TOM1L2: variants seen among roughly 807,000 people sequenced by gnomAD.
TOM1L2 encodes the protein TOM1-like protein 2.
Under a neutral mutation model 67.9 loss-of-function variants are expected in TOM1L2, and 31 were observed. The observed-to-expected ratio is 0.46, with a 90% CI of 0.34 to 0.62. TOM1L2 has a LOEUF of 0.62. Among genes scored for constraint, TOM1L2 ranks in the 20% least tolerant of loss-of-function variants. The pLI is 0.01. For synonymous variants in TOM1L2, 256 were observed against 254.0 expected, an observed-to-expected ratio of 1.01 and a Z score of -0.07; for missense variants, 606 against 663.5, an observed-to-expected ratio of 0.91 and a Z score of 0.95.
At chr17:17,850,786 G>T in intron 13 of TOM1L2, 107 bp downstream of exon 13, 1 of 1,236,926 alleles carries the variant, frequency 8.1e-7, no homozygotes, top group Non-Finnish European at 1.2e-6. Flanking sequence ...CTTCTCCACT[G>T]ACCCAGACAG....
rs565360425 is a variant in TOM1L2, at chr17:17,876,016, C to T, written c.777+3611G>A. Among the ~76,000 whole-genome samples, 21 of 152,344 alleles carry T rather than the reference C, an allele frequency of 1.4e-4. No homozygotes were observed. The South Asian group carries it at 4.1e-3, about 30-fold the overall frequency. On this transcript the variant is annotated intron_variant, in intron 7 of 14. Coordinates refer to ENST00000379504, the MANE Select transcript of TOM1L2 (RefSeq NM_001082968.2). ...GAAACGAGGAGGCCTCTGTTATTAT[C>T]TTATGCTGATGAACGGCCACAGAAG...
intron 2 of TOM1L2, among the ~76,000 whole-genome samples, chr17:17,899,040 A>G (rs1267904955): frequency 6.6e-6 from 1 of 152,248 alleles, no homozygotes. Flanking sequence ...GACTCTCTAG[A>G]AAGAGCTATA....
intron 1 of TOM1L2, among the ~76,000 whole-genome samples, chr17:17,938,603 CCA>C (rs1297790625): frequency 6.6e-6 from 1 of 152,170 alleles, no homozygotes; most frequent in East Asian, 1.9e-4. Flanking sequence ...ACAAATCTCT[CCA>C]GATTCCACTT....
At chr17:17,927,578 AC>A (rs2144668489) in intron 1 of TOM1L2, among the ~76,000 whole-genome samples, 1 of 152,200 alleles carries the variant, frequency 6.6e-6, no homozygotes, top group South Asian at 2.1e-4. Flanking sequence ...GGAATCTTAA[AC>A]TGTCAGTTGG....
chr17:17,898,304 C>T (rs940768822), intron 3 of TOM1L2, among the ~76,000 whole-genome samples: 1 of 152,148 alleles, frequency 6.6e-6, no homozygotes, highest in African/African-American at 2.4e-5. Context: ...AGAAAAGGGA[C>T]CCACCCAAAA....
chr17:17,948,744 C>G (rs919796936), intron 1 of TOM1L2, among the ~76,000 whole-genome samples: 4 of 152,114 alleles, frequency 2.6e-5, no homozygotes, highest in Non-Finnish European at 5.9e-5. Flanking sequence ...GTTCACACCC[C>G]CTCTTGCTAA....
intron 1 of TOM1L2, among the ~76,000 whole-genome samples, chr17:17,929,244 G>A (rs1259894099): frequency 6.6e-6 from 1 of 152,208 alleles, no homozygotes; most frequent in Non-Finnish European, 1.5e-5. Context: ...CACAGCCTGG[G>A]CCATGCTCCA....
At chr17:17,901,665 G>C (rs187143908) in intron 2 of TOM1L2, among the ~76,000 whole-genome samples, 54 of 152,302 alleles carry the variant, frequency 3.5e-4, no homozygotes, top group African/African-American at 1.2e-3. Flanking sequence ...TTATTATCTT[G>C]CTCTATTGCA....
chr17:17,871,636 A>T (rs1208530546), intron 7 of TOM1L2, among the ~76,000 whole-genome samples: 1 of 152,192 alleles, frequency 6.6e-6, no homozygotes, highest in East Asian at 1.9e-4. Flanking sequence ...GCACTACTGC[A>T]CTCCAGCCTG....
intron 9 of TOM1L2, among the ~76,000 whole-genome samples, 164 bp downstream of exon 9, chr17:17,866,712 G>A (rs193079680): frequency 1.0e-3 from 155 of 152,276 alleles, no homozygotes; most frequent in Admixed American, 2.2e-3. Context: ...CCCATCAGGG[G>A]TGCCTGCTAG....
chr17:17,947,801 T>A (rs1277012821), intron 1 of TOM1L2, among the ~76,000 whole-genome samples: 6 of 152,240 alleles, frequency 3.9e-5, no homozygotes, highest in Non-Finnish European at 8.8e-5. Flanking sequence ...ATTTTGAAGA[T>A]TTTGTTCTTT....
chr17:17,939,225 T>C (rs763566748), intron 1 of TOM1L2, among the ~76,000 whole-genome samples: 28 of 152,216 alleles, frequency 1.8e-4, no homozygotes, highest in Non-Finnish European at 1.9e-4. Flanking sequence ...TTGAGACGAA[T>C]ACCAGGCAAA....
At chr17:17,861,025 C>A (rs1163458970) in intron 12 of TOM1L2, among the ~76,000 whole-genome samples, 2 of 152,218 alleles carry the variant, frequency 1.3e-5, no homozygotes, top group Non-Finnish European at 2.9e-5. Context: ...CTCGGGTCAG[C>A]ATTGTCCTTC....
intron 1 of TOM1L2, among the ~76,000 whole-genome samples, chr17:17,953,502 C>T (rs2041297028): frequency 6.6e-6 from 1 of 152,160 alleles, no homozygotes; most frequent in Admixed American, 6.5e-5. Context: ...CTGCAAAAGG[C>T]GTCACCAACT....
rs59751059 is a variant in TOM1L2 at position 17,909,842 on chromosome 17, A to G, written c.53-2311T>C. On this transcript the variant is annotated intron_variant, in intron 1 of 14. Transcript: ENST00000379504. ...TCCAGGATTTGACAACAGCTTGGGC[A>G]ACATAGCAAGACATTGTTTCTACAA... 4.8e-3 allele frequency among the ~76,000 whole-genome samples: 737 copies of G among 152,298 alleles called. 16 individuals carry two copies. The highest frequency in any genetic ancestry group is 0.025 in the East Asian group (131 of 5,190).
chr17:17,900,020 TG>T (rs1434019546), intron 2 of TOM1L2, among the ~76,000 whole-genome samples: 1 of 152,182 alleles, frequency 6.6e-6, no homozygotes, highest in Non-Finnish European at 1.5e-5. Context: ...GAGACCAGCC[TG>T]GCCAACATGG....
chr17:17,927,022 G>T (rs2040118955), intron 1 of TOM1L2, among the ~76,000 whole-genome samples: 1 of 152,224 alleles, frequency 6.6e-6, no homozygotes, highest in South Asian at 2.1e-4. Flanking sequence ...TTAAACAGTA[G>T]TTCTAAGTGG....
chr17:17,861,359 G>C, intron 12 of TOM1L2, 117 bp downstream of exon 12: 1 of 947,758 alleles, frequency 1.1e-6, no homozygotes, highest in Admixed American at 2.1e-5. Flanking sequence ...CTCTCCCCCA[G>C]GGTGTCCCTG....
chr17:17,929,406 T>C (rs2040234661), intron 1 of TOM1L2, among the ~76,000 whole-genome samples: 1 of 152,100 alleles, frequency 6.6e-6, no homozygotes, highest in South Asian at 2.1e-4. Flanking sequence ...GGGAGGCAGG[T>C]GGATCACCTG....
Sources: gnomAD v4.1 joint callset for allele counts (sites outside exome capture counted in the v4.1 genomes callset) on GRCh38, gnomAD v4.1.1 for gene constraint, MANE v1.5 for transcripts, NCBI Gene and HGNC (gene_info 2026-07-23, HGNC 2026-07-21) for gene names.